ADGRV1: variants seen among roughly 807,000 people sequenced by gnomAD.
ADGRV1 encodes the protein G-protein coupled receptor 98.
ADGRV1 carries 359 observed loss-of-function variants against 596.2 expected under a neutral mutation model. The ratio of observed to expected loss-of-function variants is 0.60; its 90% CI spans 0.55 to 0.66. ADGRV1 has a LOEUF of 0.66. ADGRV1 is among the 30% of genes least tolerant of loss of function. The pLI is 0.00. For synonymous variants in ADGRV1, 2,681 were observed against 2,679.2 expected (o/e 1.00, Z -0.02); for missense variants, 7,274 against 7,575.6 (o/e 0.96, Z 1.48).
At chr5:90,804,407 A>G (rs1171255130) in intron 71 of ADGRV1, among the ~76,000 whole-genome samples, 9 of 151,972 alleles carry the variant, frequency 5.9e-5, no homozygotes, top group Admixed American at 3.9e-4. Flanking sequence ...GTCTCAAGAA[A>G]AAAAAAAGAA....
chr5:91,080,796 T>G (rs1789287750), intron 86 of ADGRV1, among the ~76,000 whole-genome samples: 1 of 152,160 alleles, frequency 6.6e-6, no homozygotes, highest in Non-Finnish European at 1.5e-5. Context: ...AAATTTTAAT[T>G]CATATAAGTA....
chr5:90,648,357 A>G (rs967395813), intron 17 of ADGRV1, among the ~76,000 whole-genome samples: 1 of 152,208 alleles, frequency 6.6e-6, no homozygotes, highest in African/African-American at 2.4e-5. Flanking sequence ...GGAAAGGCCT[A>G]TGGCTTCTCT....
intron 21 of ADGRV1, among the ~76,000 whole-genome samples, chr5:90,661,727 C>T (rs971411331): frequency 2.6e-5 from 4 of 152,186 alleles, no homozygotes; most frequent in African/African-American, 9.6e-5. Context: ...TAGTGAGAAA[C>T]TGTTTGGGGA....
chr5:91,054,902 A>G (rs1786699515), intron 85 of ADGRV1, among the ~76,000 whole-genome samples: 1 of 152,156 alleles, frequency 6.6e-6, no homozygotes, highest in Admixed American at 6.5e-5. Flanking sequence ...CACCTATCAA[A>G]ACAGCAACCA....
rs762535387 is a variant in ADGRV1, at chr5:90,855,737, C to T, written c.17595-4C>T. On this transcript the variant is annotated splice_region_variant and splice_polypyrimidine_tract_variant and intron_variant, in intron 81 of 89. Transcript: ENST00000405460. Reference sequence around the variant, plus strand: ...GAAAAATGACTATTGTGTTTTTGCCCTAGCTGGTTGTCTGACAGTCAGTTT... The same window carrying T: ...GAAAAATGACTATTGTGTTTTTGCCTTAGCTGGTTGTCTGACAGTCAGTTT... 81 of 1,558,250 alleles carry T rather than the reference C, an allele frequency of 5.2e-5. No individual in the cohort carries two copies. The highest frequency in any genetic ancestry group is 6.6e-5 in the Non-Finnish European group (76 of 1,150,972).
Position 90,728,936 on chromosome 5 carries a change from G to T in ADGRV1, c.10426+3G>T. The T allele has an allele frequency of 6.3e-7, 1 of 1,591,954 alleles. No individual in the cohort carries two copies. The highest frequency in any genetic ancestry group is 1.1e-5 in the South Asian group (1 of 90,142). ...ATTTGCCGAAAATGTCTTTCTAGGT[G>T]AGAAGATAAAGTATTTGTAGTGTAT... On this transcript the variant is annotated splice_donor_region_variant and intron_variant, in intron 49 of 89. Transcript: ENST00000405460.
chr5:90,663,462 TG>T (rs1162824129), intron 21 of ADGRV1, among the ~76,000 whole-genome samples: 1 of 150,482 alleles, frequency 6.6e-6, no homozygotes, highest in African/African-American at 2.4e-5. Flanking sequence ...TGGGGTTGTT[TG>T]TTTTTTTCTT....
intron 83 of ADGRV1, among the ~76,000 whole-genome samples, chr5:90,948,321 G>A (rs866271981): frequency 6.6e-6 from 1 of 152,136 alleles, no homozygotes; most frequent in African/African-American, 2.4e-5. Flanking sequence ...CAAGCAGTGC[G>A]AGTAGGATGA....
At chr5:90,930,924 A>G (rs1447577587) in intron 83 of ADGRV1, among the ~76,000 whole-genome samples, 1 of 152,112 alleles carries the variant, frequency 6.6e-6, no homozygotes, top group African/African-American at 2.4e-5. Flanking sequence ...TGAAGGAGAA[A>G]CCTAACCAGA....
chr5:90,728,690 A>G lies in ADGRV1; in HGVS notation c.10183A>G (p.Ser3395Gly), dbSNP rs1752123144. The change falls in exon 49 of 90, where the codon AGC becomes GGC. Residue 3395 changes from serine to glycine, a missense_variant. Coordinates refer to ENST00000405460, the MANE Select transcript of ADGRV1 (RefSeq NM_032119.4). The part of the protein sequence containing the change: ...LTQVFRWNGG[S>G]FVLHQKLPVR... ...TCAGGTCTTCAGGTGGAATGGAGGA[A>G]GCTTCGTGTTGCATCAAAAACTCCC... 1 of 1,610,266 alleles carries G rather than the reference A, an allele frequency of 6.2e-7. No homozygotes were observed. Among genetic ancestry groups the G allele is most frequent in the Admixed American group, 1.7e-5 (1 of 59,768 alleles).
intron 83 of ADGRV1, among the ~76,000 whole-genome samples, chr5:90,955,947 G>C (rs1380377626): frequency 3.9e-5 from 6 of 152,126 alleles, no homozygotes; most frequent in Non-Finnish European, 7.4e-5. Context: ...TATGTTGTCA[G>C]GCAGAGAAAG....
At position 90,653,781 on chromosome 5, in the gene ADGRV1, T is replaced by C. The variant is rs1205637152; in HGVS notation, c.4207T>C (p.Leu1403=). The change falls in exon 20 of 90, where the codon TTG becomes CTG. Residue 1403 remains leucine, a synonymous_variant. Transcript: ENST00000405460. Reference sequence around the variant, plus strand: ...GACACTTTCCCTTCATTATAAAACCTTGGGTTCCAATGCTACATACATTGC... The same window carrying C: ...GACACTTTCCCTTCATTATAAAACCCTGGGTTCCAATGCTACATACATTGC... ...HVTLSLHYKT[L]GSNATYIAKT... The C allele has an allele frequency of 3.1e-6, 5 of 1,613,362 alleles. No individual in the cohort carries two copies. The highest frequency in any genetic ancestry group is 4.2e-6 in the Non-Finnish European group (5 of 1,179,714).
At chr5:90,712,181 G>GCTTATT in intron 41 of ADGRV1, 106 bp from the exon 42 acceptor site, 1 of 633,478 alleles carries the variant, frequency 1.6e-6, no homozygotes, top group Non-Finnish European at 2.5e-6. Flanking sequence ...ATGTAAAATA[G>GCTTATT]CTTATTCTTT....
intron 85 of ADGRV1, among the ~76,000 whole-genome samples, chr5:91,019,586 T>C (rs1312746459): frequency 6.8e-5 from 5 of 73,272 alleles, no homozygotes; most frequent in African/African-American, 4.2e-4. Flanking sequence ...ATTTCTCTTC[T>C]GTGGGAAAAA....
At chr5:91,028,005 CT>C (rs1442788851) in intron 85 of ADGRV1, among the ~76,000 whole-genome samples, 14 of 151,188 alleles carry the variant, frequency 9.3e-5, no homozygotes, top group African/African-American at 3.4e-4. Context: ...AAGTGACCCA[CT>C]CACTACTGAG....
chr5:90,585,808 G>A (rs1413593524), intron 1 of ADGRV1, among the ~76,000 whole-genome samples: 2 of 152,192 alleles, frequency 1.3e-5, no homozygotes, highest in African/African-American at 4.8e-5. Flanking sequence ...CAATGATTCA[G>A]CCAAGGACAT....
intron 86 of ADGRV1, among the ~76,000 whole-genome samples, chr5:91,100,379 A>G (rs1284137190): frequency 6.6e-6 from 1 of 152,056 alleles, no homozygotes; most frequent in Non-Finnish European, 1.5e-5. Flanking sequence ...AGCTGTGACA[A>G]CACCACCACA....
intron 9 of ADGRV1, among the ~76,000 whole-genome samples, chr5:90,631,402 T>C (rs1765482304): frequency 6.6e-6 from 1 of 152,108 alleles, no homozygotes; most frequent in Non-Finnish European, 1.5e-5. Context: ...CCAAGGGGCT[T>C]AGTGGGTGAC....
At chr5:90,917,740 G>A (rs1018879261) in intron 83 of ADGRV1, among the ~76,000 whole-genome samples, 3 of 152,252 alleles carry the variant, frequency 2.0e-5, no homozygotes, top group Non-Finnish European at 2.9e-5. Context: ...GTGCTACCAA[G>A]CAGAAAGCAG....
Sources: allele counts gnomAD v4.1 joint callset (sites outside exome capture counted in the v4.1 genomes callset), GRCh38; gene constraint gnomAD v4.1.1; transcripts MANE v1.5; gene names NCBI Gene and HGNC (gene_info 2026-07-23, HGNC 2026-07-21).